Variants in NCBP3 observed in about 807,000 individuals in gnomAD.
NCBP3 encodes the protein nuclear cap binding subunit 3, also known as nuclear cap-binding protein subunit 3.
NCBP3 carries 20 observed loss-of-function variants against 75.7 expected under a neutral mutation model. The ratio of observed to expected loss-of-function variants is 0.26; its 90% CI spans 0.19 to 0.38. The LOEUF (loss-of-function observed/expected upper bound fraction) is 0.38. Ranked by LOEUF, NCBP3 falls within the 10% of genes least tolerant of loss-of-function variation. The probability of loss-of-function intolerance (pLI) is 1.00; values close to 1 mark genes in which losing one functional copy is unlikely to be tolerated. For missense variants in NCBP3, 678 were observed against 796.9 expected (o/e 0.85, Z 1.80); for synonymous variants, 293 against 290.5 (o/e 1.01, Z -0.09).
chr17:3,809,460 C>A lies in NCBP3; in HGVS notation c.*3584G>T, dbSNP rs949605138. ...GTGGCTCACACCTGTAATCCCAGAA[C>A]TTTGGGAGGAAGAGGTGGGCAGATC... On this transcript the variant is annotated 3_prime_UTR_variant, in exon 13 of 13. Transcript: ENST00000389005. 8 of 152,260 alleles carry A rather than the reference C, an allele frequency of 5.3e-5. No homozygotes were observed. The highest frequency in any genetic ancestry group is 1.7e-4 in the African/African-American group (7 of 41,460). 9.4% of individuals were successfully genotyped at this position (152,260 alleles called of 1,614,324 possible).
At chr17:3,841,868 C>G (rs923138089) in intron 2 of NCBP3, among the ~76,000 whole-genome samples, 2 of 149,306 alleles carry the variant, frequency 1.3e-5, no homozygotes, top group Admixed American at 6.7e-5. Flanking sequence ...AAGGAAGGCA[C>G]GAAATATATT....
At position 3,807,570 on chromosome 17, in the gene NCBP3, G is replaced by C. The variant is rs1014958352; in HGVS notation, c.*5474C>G. On this transcript the variant is annotated 3_prime_UTR_variant, in exon 13 of 13. Coordinates refer to ENST00000389005, the MANE Select transcript of NCBP3 (RefSeq NM_001114118.3). ...ACACTTTCGAAGCACTACTTACTCT[G>C]GGCTGGCCTGATGAAAGGATACAGA... 6.6e-6 allele frequency: 1 copy of C among 152,126 alleles called. No homozygotes were observed. Among genetic ancestry groups the C allele is most frequent in the Non-Finnish European group, 1.5e-5 (1 of 68,044 alleles). The allele number at this position is 152,126 out of a possible 1,614,324, so 9.4% of individuals were successfully genotyped here. A position where few individuals can be genotyped will look rare whatever the true frequency, so the allele number is the denominator to read the frequency against.
At chr17:3,832,183 CAA>C (rs754603661) in intron 3 of NCBP3, among the ~76,000 whole-genome samples, 6,073 of 29,734 alleles carry the variant, frequency 0.2, 534 homozygotes, top group Middle Eastern at 0.46. Flanking sequence ...GACTCCGTCG[CAA>C]AAAAAAAAAA....
intron 4 of NCBP3, among the ~76,000 whole-genome samples, chr17:3,827,191 GT>G (rs1484263013): frequency 6.6e-6 from 1 of 152,128 alleles, no homozygotes; most frequent in Non-Finnish European, 1.5e-5. Context: ...TCCAAACTGG[GT>G]TCCACAAAAT....
At chr17:3,842,601 T>C (rs2054085203) in intron 2 of NCBP3, among the ~76,000 whole-genome samples, 1 of 152,226 alleles carries the variant, frequency 6.6e-6, no homozygotes, top group Non-Finnish European at 1.5e-5. Flanking sequence ...TATCCTTTCA[T>C]GGCTGTAAGA....
chr17:3,818,634 A>G lies in NCBP3; in HGVS notation c.1001-62T>C, dbSNP rs2053601447. Reference sequence around the variant, plus strand: ...CTAAAATTAACAAGTATGATTTTCTACTCTACATCGGTGACCTTTTTAAAA... The same window carrying G: ...CTAAAATTAACAAGTATGATTTTCTGCTCTACATCGGTGACCTTTTTAAAA... On this transcript the variant is annotated intron_variant, in intron 9 of 12. Transcript: ENST00000389005. This position sits in a 1 kb window ranked among gnomAD's most constrained non-coding sequence, Gnocchi z 4.7. The G allele has an allele frequency of 6.5e-7, 1 of 1,528,070 alleles. No homozygotes were observed. Among genetic ancestry groups the G allele is most frequent in the Non-Finnish European group, 8.7e-7 (1 of 1,143,848 alleles). 94.7% of individuals were successfully genotyped at this position (1,528,070 alleles called of 1,614,324 possible).
Position 3,807,713 on chromosome 17 carries a change from G to C in NCBP3, c.*5331C>G, listed in dbSNP as rs914885883. 6.6e-6 allele frequency: 1 copy of C among 152,134 alleles called. No homozygotes were observed. The highest frequency in any genetic ancestry group is 2.4e-5 in the African/African-American group (1 of 41,412). 9.4% of individuals were successfully genotyped at this position (152,134 alleles called of 1,614,324 possible). ...CAGAAAAATGACTAGCCTGCCAGAG[G>C]GCCCCAGAGCCTCAGAGGATGGAGC... On this transcript the variant is annotated 3_prime_UTR_variant, in exon 13 of 13. Transcript: ENST00000389005.
chr17:3,810,818 C>T lies in NCBP3; in HGVS notation c.*2226G>A, dbSNP rs1182653946. The T allele has an allele frequency of 6.6e-6, 1 of 152,234 alleles. No individual in the cohort carries two copies. Among genetic ancestry groups the T allele is most frequent in the Non-Finnish European group, 1.5e-5 (1 of 68,066 alleles). The allele number at this position is 152,234 out of a possible 1,614,324, so 9.4% of individuals were successfully genotyped here. A position where few individuals can be genotyped will look rare whatever the true frequency, so the allele number is the denominator to read the frequency against. On this transcript the variant is annotated 3_prime_UTR_variant, in exon 13 of 13. Transcript: ENST00000389005. ...AGTTTTGACTGCACACCACCTCCTTCCAGAATGGCTTCGCTGATCTGTAGC... is the reference window on the plus strand; with the variant it reads ...AGTTTTGACTGCACACCACCTCCTTTCAGAATGGCTTCGCTGATCTGTAGC...
In NCBP3 at chr17:3,809,200, G is replaced by C. The variant is rs778657022; in HGVS notation, c.*3844C>G. The C allele has an allele frequency of 6.6e-6, 1 of 152,164 alleles. No homozygotes were observed. The highest frequency in any genetic ancestry group is 2.4e-5 in the African/African-American group (1 of 41,420). 9.4% of individuals were successfully genotyped at this position (152,164 alleles called of 1,614,324 possible). A position where few individuals can be genotyped will look rare whatever the true frequency, so the allele number is the denominator to read the frequency against. On this transcript the variant is annotated 3_prime_UTR_variant, in exon 13 of 13. Transcript: ENST00000389005. The stretch of plus-strand genomic sequence containing the variant: ...TCACACCAGAAAATAATGAGTGTTG[G>C]TGGAGATGTGGAGAAACTGGAACCC...
At chr17:3,831,462 A>T (rs904589831) in intron 3 of NCBP3, among the ~76,000 whole-genome samples, 16 of 149,792 alleles carry the variant, frequency 1.1e-4, no homozygotes, top group Non-Finnish European at 2.1e-4. Context: ...AGTCCCAGCT[A>T]CTTGGGAGGC....
intron 1 of NCBP3, 114 bp downstream of exon 1, chr17:3,845,927 T>A: frequency 8.1e-7 from 1 of 1,241,676 alleles, no homozygotes; most frequent in Non-Finnish European, 1.1e-6. Flanking sequence ...CTCCCTCCTC[T>A]CCCGCTCCCT....
chr17:3,836,636 G>A, intron 3 of NCBP3, among the ~76,000 whole-genome samples: 1 of 134,238 alleles, frequency 7.4e-6, no homozygotes, highest in Admixed American at 8.3e-5. Context: ...CTAGGCAACA[G>A]AGTGAGACTC....
intron 3 of NCBP3, among the ~76,000 whole-genome samples, chr17:3,830,534 G>A (rs1270103903): frequency 6.6e-6 from 1 of 152,210 alleles, no homozygotes; most frequent in Admixed American, 6.5e-5. Flanking sequence ...TACTTCTGAG[G>A]AGGCAGAAAG....
chr17:3,812,984 G>A lies in NCBP3; in HGVS notation c.*60C>T, dbSNP rs559047080. 6.9e-6 allele frequency: 11 copies of A among 1,602,162 alleles called. No homozygotes were observed. The highest frequency in any genetic ancestry group is 6.7e-5 in the East Asian group (3 of 44,726). On this transcript the variant is annotated 3_prime_UTR_variant, in exon 13 of 13. Coordinates refer to ENST00000389005, the MANE Select transcript of NCBP3 (RefSeq NM_001114118.3). The stretch of plus-strand genomic sequence containing the variant: ...CTCCTGCGGGGGAGGTTCCTACTGC[G>A]CGCCCCACCCTGTGCAAGAATGTCA...
intron 2 of NCBP3, among the ~76,000 whole-genome samples, chr17:3,841,676 T>C (rs1469101444): frequency 7.8e-6 from 1 of 127,432 alleles, no homozygotes; most frequent in Non-Finnish European, 1.6e-5. Flanking sequence ...AGATAAACCA[T>C]AAAAAGGTTA....
rs976645293 is a variant in NCBP3 at position 3,804,033 on chromosome 17, T to C, written c.*9011A>G. 2.6e-5 allele frequency: 4 copies of C among 152,222 alleles called. No homozygotes were observed. Among genetic ancestry groups the C allele is most frequent in the East Asian group, 1.9e-4 (1 of 5,166 alleles). 9.4% of individuals were successfully genotyped at this position (152,222 alleles called of 1,614,324 possible). On this transcript the variant is annotated 3_prime_UTR_variant, in exon 13 of 13. Transcript: ENST00000389005. ...CGGAGCTCGCAGTGGGCGGAGATCA[T>C]GCCACTGCACTCCACTTGGGTGACA...
At chr17:3,831,093 T>C in intron 3 of NCBP3, among the ~76,000 whole-genome samples, 1 of 151,268 alleles carries the variant, frequency 6.6e-6, no homozygotes, top group South Asian at 2.1e-4. Flanking sequence ...GTATTTTTAG[T>C]AGAGACGACG....
chr17:3,816,041 T>C, intron 11 of NCBP3, 75 bp downstream of exon 11: 1 of 1,451,334 alleles, frequency 6.9e-7, no homozygotes, highest in Non-Finnish European at 9.4e-7. Context: ...CATGTTTTAC[T>C]CAGGAACCTC....
rs778876808 is a variant in NCBP3 at position 3,829,231 on chromosome 17, G to A, written c.481+12C>T. On this transcript the variant is annotated intron_variant, in intron 4 of 12. Transcript: ENST00000389005. Reference sequence around the variant, plus strand: ...ACAAAAGCATATTCACAGGAAACTCGGGTGTACTTACAGGAGGTATCATCC... The same window carrying A: ...ACAAAAGCATATTCACAGGAAACTCAGGTGTACTTACAGGAGGTATCATCC... 9 of 1,550,648 alleles carry A rather than the reference G, an allele frequency of 5.8e-6. No individual in the cohort carries two copies. Among genetic ancestry groups the A allele is most frequent in the East Asian group, 4.9e-5 (2 of 40,922 alleles).
Sources: allele counts gnomAD v4.1 joint callset (sites outside exome capture counted in the v4.1 genomes callset), GRCh38; gene constraint gnomAD v4.1.1; non-coding constraint Gnocchi (gnomAD v3.1); transcripts MANE v1.5; gene names NCBI Gene and HGNC (gene_info 2026-07-23, HGNC 2026-07-21).